Variants in PDE1C observed in about 807,000 individuals in gnomAD.
PDE1C encodes the protein phosphodiesterase 1C, also known as dual specificity calcium/calmodulin-dependent 3',5'-cyclic nucleotide phosphodiesterase 1C.
A neutral mutation model predicts 93.1 loss-of-function variants in PDE1C; 62 were observed. That is an observed-to-expected ratio of 0.67 (90% CI 0.54 to 0.82). The LOEUF is 0.82. PDE1C is among the 40% of genes least tolerant of loss of function. The pLI is 0.00. For missense variants in PDE1C, 742 were observed against 884.6 expected (o/e 0.84, Z 2.04); for synonymous variants, 325 against 310.1 (o/e 1.05, Z -0.50).
intron 3 of PDE1C, among the ~76,000 whole-genome samples, chr7:32,119,030 A>C (rs1042227032): frequency 4.6e-5 from 7 of 152,176 alleles, no homozygotes; most frequent in Non-Finnish European, 7.4e-5. Context: ...GGGACAGGGA[A>C]GCTGGGAAGC....
chr7:31,665,373 ATTTC>A, the PDE1C span, among the ~76,000 whole-genome samples: 2 of 151,996 alleles, frequency 1.3e-5, no homozygotes, highest in Non-Finnish European at 2.9e-5. Context: ...TATTATTTTT[ATTTC>A]TTTATTAGCT....
chr7:32,230,610 G>GCAGT (rs1807625796), intron 1 of PDE1C, among the ~76,000 whole-genome samples: 3 of 152,130 alleles, frequency 2.0e-5, no homozygotes. Context: ...TGGCTCAGTG[G>GCAGT]CAGTCATGAG....
intron 2 of PDE1C, among the ~76,000 whole-genome samples, chr7:31,906,638 T>C (rs1800619204): frequency 6.6e-6 from 1 of 151,954 alleles, no homozygotes. Context: ...TCAAGTTGGG[T>C]GAGAGGGAAA....
intron 7 of PDE1C, among the ~76,000 whole-genome samples, chr7:31,853,691 T>G (rs766574762): frequency 6.6e-6 from 1 of 151,712 alleles, no homozygotes; most frequent in Non-Finnish European, 1.5e-5. Context: ...AAGCAGGGTT[T>G]TTTTGTTTTC....
intron 3 of PDE1C, among the ~76,000 whole-genome samples, chr7:32,118,493 C>G (rs1563327766): frequency 6.6e-6 from 1 of 152,082 alleles, no homozygotes; most frequent in East Asian, 1.9e-4. Context: ...CTTCCTTTAC[C>G]TTATCTTATA....
At chr7:31,878,941 A>T in intron 4 of PDE1C, 55 bp downstream of exon 4, 1 of 1,518,320 alleles carries the variant, frequency 6.6e-7, no homozygotes, top group Admixed American at 1.8e-5. Context: ...CAGTTATTGG[A>T]AACGTGTTGC....
At chr7:31,656,385 A>G in the PDE1C span, 1 of 428,648 alleles carries the variant, frequency 2.3e-6, no homozygotes. Context: ...GTTGGACAGA[A>G]TAAATACCAT....
At chr7:32,317,563 A>C (rs190783250) in intron 1 of PDE1C, among the ~76,000 whole-genome samples, 2 of 152,128 alleles carry the variant, frequency 1.3e-5, no homozygotes, top group East Asian at 3.9e-4. Context: ...AAGAGTGATA[A>C]AAAGACATGA....
At chr7:32,342,302 C>T (rs575643724) in intron 1 of PDE1C, among the ~76,000 whole-genome samples, 39 of 152,264 alleles carry the variant, frequency 2.6e-4, no homozygotes, top group Non-Finnish European at 4.7e-4. Context: ...TATGTTCAAT[C>T]CCTCTCTGAA....
chr7:32,249,325 T>C (rs1441308944), intron 1 of PDE1C, among the ~76,000 whole-genome samples: 3 of 152,002 alleles, frequency 2.0e-5, no homozygotes, highest in East Asian at 3.9e-4. Context: ...TGGTGTTTTT[T>C]CCTTAAGGTG....
intron 2 of PDE1C, among the ~76,000 whole-genome samples, chr7:32,039,029 CCACCACCACCAT>C (rs1249342505): frequency 6.6e-6 from 1 of 152,020 alleles, no homozygotes; most frequent in Non-Finnish European, 1.5e-5. Context: ...TGCTCATGGG[CCACCACCACCAT>C]CAGCACCACC....
intron 3 of PDE1C, among the ~76,000 whole-genome samples, chr7:32,122,961 G>T (rs766203858): frequency 6.6e-6 from 1 of 152,026 alleles, no homozygotes; most frequent in Non-Finnish European, 1.5e-5. Context: ...TAGATAGACT[G>T]CTAGCTAGAC....
chr7:31,728,268 G>A, the PDE1C span, among the ~76,000 whole-genome samples: 2 of 152,040 alleles, frequency 1.3e-5, no homozygotes, highest in Non-Finnish European at 2.9e-5. Flanking sequence ...AGAACCTGTG[G>A]GCCCAAGGGA....
Position 32,085,147 on chromosome 7 carries a change from G to A in PDE1C, c.308+84638C>T, listed in dbSNP as rs983085614. Among the ~76,000 whole-genome samples the A allele has an allele frequency of 6.2e-3, 934 of 151,370 alleles. 10 individuals carry two copies. Among genetic ancestry groups the A allele is most frequent in the African/African-American group, 0.022 (894 of 41,062 alleles). On this transcript the variant is annotated intron_variant, in intron 3 of 18. Transcript: ENST00000396193. ...AAAAAGAGAGAAGAATCAAATAGACGCAATAAAAAATGATAAAGGAGATAT... is the reference window on the plus strand; with the variant it reads ...AAAAAGAGAGAAGAATCAAATAGACACAATAAAAAATGATAAAGGAGATAT...
intron 2 of PDE1C, among the ~76,000 whole-genome samples, chr7:32,208,112 A>T (rs1232773477): frequency 6.6e-6 from 1 of 152,240 alleles, no homozygotes; most frequent in Non-Finnish European, 1.5e-5. Context: ...TTTATTACAC[A>T]ATTTCTAAAA....
At chr7:31,706,083 C>A in the PDE1C span, among the ~76,000 whole-genome samples, 6 of 131,994 alleles carry the variant, frequency 4.5e-5, no homozygotes, top group Non-Finnish European at 6.2e-5. Flanking sequence ...CGGCTTGCTG[C>A]AATCTCTGCC....
chr7:31,985,621 T>C (rs1466977105), intron 2 of PDE1C, among the ~76,000 whole-genome samples: 1 of 152,010 alleles, frequency 6.6e-6, no homozygotes, highest in Non-Finnish European at 1.5e-5. Context: ...CCGCCCTGTG[T>C]CTAAGTGTTC....
chr7:32,363,957 TATC>T (rs1291443856), intron 1 of PDE1C, among the ~76,000 whole-genome samples: 1 of 152,260 alleles, frequency 6.6e-6, no homozygotes, highest in Non-Finnish European at 1.5e-5. Context: ...TACATGCTGA[TATC>T]ATTGTCATTT....
At chr7:31,716,303 A>T in the PDE1C span, among the ~76,000 whole-genome samples, 2 of 152,162 alleles carry the variant, frequency 1.3e-5, no homozygotes, top group African/African-American at 2.4e-5. Flanking sequence ...ATGGGGCCAG[A>T]TCCTGCCCAC....
Sources: gnomAD v4.1 joint callset for allele counts (sites outside exome capture counted in the v4.1 genomes callset) on GRCh38, gnomAD v4.1.1 for gene constraint, MANE v1.5 for transcripts, NCBI Gene and HGNC (gene_info 2026-07-23, HGNC 2026-07-21) for gene names.